DOK6: variants seen among roughly 807,000 people sequenced by gnomAD.
DOK6 encodes docking protein 6, also known as downstream of tyrosine kinase 6.
A neutral mutation model predicts 44.0 loss-of-function variants in DOK6; 22 were observed. That is an observed-to-expected ratio of 0.50 (90% CI 0.36 to 0.71). DOK6 has a LOEUF of 0.71. Ranked by LOEUF, DOK6 falls within the 30% of genes least tolerant of loss-of-function variation. DOK6 has a pLI of 0.00. For synonymous variants in DOK6, 166 were observed against 145.5 expected, an observed-to-expected ratio of 1.14 and a Z score of -1.01; for missense variants, 340 against 416.4, an observed-to-expected ratio of 0.82 and a Z score of 1.60.
chr18:69,705,918 T>A (rs369820115), intron 5 of DOK6, among the ~76,000 whole-genome samples: 1 of 145,836 alleles, frequency 6.9e-6, no homozygotes, highest in African/African-American at 2.5e-5. Context: ...TAAATGTGAT[T>A]AAAAAAAAAA....
At chr18:69,526,994 C>T (rs867049504) in intron 1 of DOK6, among the ~76,000 whole-genome samples, 1 of 152,168 alleles carries the variant, frequency 6.6e-6, no homozygotes, top group Admixed American at 6.5e-5. Context: ...ACCTTCTGCT[C>T]AGAAGAACAA....
chr18:69,696,374 G>GCATTCATGCCCATAGTTT (rs1986389895), intron 4 of DOK6, among the ~76,000 whole-genome samples: 1 of 151,956 alleles, frequency 6.6e-6, no homozygotes, highest in Admixed American at 6.6e-5. Context: ...CAAACTATGG[G>GCATTCATGCCCATAGTTT]CATGAACATC....
rs1453615356 is a variant in DOK6, at chr18:69,626,178, G to A, written c.289+26680G>A. Among the ~76,000 whole-genome samples, 3 of 152,162 alleles carry A rather than the reference G, an allele frequency of 2.0e-5. No homozygotes were observed. In the East Asian group the frequency reaches 5.8e-4, roughly 29 times the overall value. On this transcript the variant is annotated intron_variant, in intron 3 of 7. Coordinates refer to ENST00000382713, the MANE Select transcript of DOK6 (RefSeq NM_152721.6). ...AGGAAAAAATAATTATAGTCTCACT[G>A]CTAAAAATTGTTTAGTGACATTTTT... is the stretch of plus-strand genomic sequence containing the variant.
Position 69,698,401 on chromosome 18 carries a change from C to G in DOK6, c.410-3C>G. 1 of 1,607,864 alleles carries G rather than the reference C, an allele frequency of 6.2e-7. No individual in the cohort carries two copies. On this transcript the variant is annotated splice_polypyrimidine_tract_variant and splice_region_variant and intron_variant, in intron 4 of 7. Transcript: ENST00000382713. ...ACCTTCTCCATTCTTCGTCTCTTCA[C>G]AGAGAGATTCAACGTGTATCTTATG...
chr18:69,432,869 G>A (rs1978846019), intron 1 of DOK6, among the ~76,000 whole-genome samples: 1 of 152,172 alleles, frequency 6.6e-6, no homozygotes, highest in South Asian at 2.1e-4. Context: ...TAAAATTAAT[G>A]AATTAAGCTA....
chr18:69,564,447 G>A (rs777375309), intron 1 of DOK6, 40 bp from the exon 2 acceptor site: 12 of 1,581,044 alleles, frequency 7.6e-6, no homozygotes, highest in Non-Finnish European at 8.7e-6. Flanking sequence ...GTAAACTCAT[G>A]TAAAAATATG....
chr18:69,546,453 A>G (rs1982406815), intron 1 of DOK6, among the ~76,000 whole-genome samples: 1 of 151,522 alleles, frequency 6.6e-6, no homozygotes. Flanking sequence ...AGATTCCATA[A>G]CCAGGAATGG....
intron 1 of DOK6, among the ~76,000 whole-genome samples, chr18:69,551,845 C>T (rs1178624291): frequency 6.6e-6 from 1 of 152,146 alleles, no homozygotes; most frequent in Admixed American, 6.6e-5. Flanking sequence ...GATGTATTTA[C>T]ATTTTGAATT....
chr18:69,430,521 G>A (rs757355648), intron 1 of DOK6, among the ~76,000 whole-genome samples: 15 of 152,012 alleles, frequency 9.9e-5, no homozygotes, highest in South Asian at 2.1e-4. Context: ...AATCTCCCCC[G>A]CTTCCTCATT....
chr18:69,621,908 A>C (rs1164540845), intron 3 of DOK6, among the ~76,000 whole-genome samples: 1 of 152,180 alleles, frequency 6.6e-6, no homozygotes, highest in Non-Finnish European at 1.5e-5. Flanking sequence ...TTTTTAAAAT[A>C]ATGTAATTAA....
chr18:69,427,937 C>G (rs1978689464), intron 1 of DOK6, among the ~76,000 whole-genome samples: 1 of 152,004 alleles, frequency 6.6e-6, no homozygotes, highest in Non-Finnish European at 1.5e-5. Context: ...ACCACCACAC[C>G]CAGCTAATTT....
chr18:69,738,842 C>A, intron 5 of DOK6, 123 bp from the exon 6 acceptor site: 1 of 1,222,940 alleles, frequency 8.2e-7, no homozygotes, highest in Non-Finnish European at 1.1e-6. Context: ...CTGAATCAGC[C>A]TCACTAACTC....
chr18:69,461,166 C>T (rs1379094769), intron 1 of DOK6, among the ~76,000 whole-genome samples: 1 of 152,164 alleles, frequency 6.6e-6, no homozygotes, highest in Admixed American at 6.6e-5. Flanking sequence ...ACATATACTT[C>T]AGAAACACAC....
Position 69,417,745 on chromosome 18 carries a change from A to G in DOK6, c.66+16435A>G, listed in dbSNP as rs556344013. 2.6e-5 allele frequency among the ~76,000 whole-genome samples: 4 copies of G among 152,212 alleles called. No homozygotes were observed. In the East Asian group the frequency reaches 5.8e-4, roughly 22 times the overall value. On this transcript the variant is annotated intron_variant, in intron 1 of 7. Transcript: ENST00000382713. ...TATTATTTTCTGTCTTCTTAATAGTAGCCATTCTAATTGGGGTGAGATAAT... is the reference window on the plus strand; with the variant it reads ...TATTATTTTCTGTCTTCTTAATAGTGGCCATTCTAATTGGGGTGAGATAAT...
At chr18:69,559,667 C>T (rs1982779579) in intron 1 of DOK6, among the ~76,000 whole-genome samples, 1 of 152,082 alleles carries the variant, frequency 6.6e-6, no homozygotes, top group Non-Finnish European at 1.5e-5. Context: ...TAGTCAGTTC[C>T]AGCTTCTGTA....
chr18:69,840,765 T>TA (rs904745512), intron 7 of DOK6, among the ~76,000 whole-genome samples: 13 of 152,232 alleles, frequency 8.5e-5, no homozygotes, highest in African/African-American at 3.1e-4. Flanking sequence ...AATTCATGGT[T>TA]ACTGGTTAGG....
At chr18:69,572,525 T>C (rs1983138250) in intron 2 of DOK6, among the ~76,000 whole-genome samples, 1 of 152,128 alleles carries the variant, frequency 6.6e-6, no homozygotes, top group Non-Finnish European at 1.5e-5. Flanking sequence ...AAGTTGTTCC[T>C]TTGGTTATCT....
chr18:69,646,681 GCTTC>G (rs1316025567), intron 3 of DOK6, among the ~76,000 whole-genome samples: 1 of 152,042 alleles, frequency 6.6e-6, no homozygotes, highest in Non-Finnish European at 1.5e-5. Flanking sequence ...TTCACCACTT[GCTTC>G]CTTTTCCTTT....
intron 1 of DOK6, among the ~76,000 whole-genome samples, chr18:69,563,693 C>T (rs1982898007): frequency 1.3e-5 from 2 of 151,496 alleles, no homozygotes; most frequent in Admixed American, 6.6e-5. Context: ...GGAGATATAC[C>T]TAATGTTAAA....
Sources: allele counts gnomAD v4.1 joint callset (sites outside exome capture counted in the v4.1 genomes callset), GRCh38; gene constraint gnomAD v4.1.1; transcripts MANE v1.5; gene names NCBI Gene and HGNC (gene_info 2026-07-23, HGNC 2026-07-21).